The following VWA2 variants were observed in gnomAD, a reference collection of about 807,000 sequenced individuals.
VWA2 encodes the protein von Willebrand factor A domain containing 2.
Under a neutral mutation model 70.4 loss-of-function variants are expected in VWA2, and 73 were observed. That is an observed-to-expected ratio of 1.04 (90% CI 0.86 to 1.26). The LOEUF (loss-of-function observed/expected upper bound fraction) is 1.26. Ranked by LOEUF, VWA2 falls within the 50% of genes most tolerant of loss-of-function variation. VWA2 has a pLI of 0.00. For synonymous variants in VWA2, 407 were observed against 423.3 expected, an observed-to-expected ratio of 0.96 and a Z score of 0.47; for missense variants, 1,011 against 998.5, an observed-to-expected ratio of 1.01 and a Z score of -0.17.
chr10:114,257,255 G>A (rs2037350598), intron 4 of VWA2, among the ~76,000 whole-genome samples: 1 of 152,106 alleles, frequency 6.6e-6, no homozygotes, highest in South Asian at 2.1e-4. Flanking sequence ...ACCCTAAAAG[G>A]GCCAGGCAAG....
chr10:114,284,718 C>T (rs1346408529), intron 9 of VWA2, 145 bp from the exon 10 acceptor site: 19 of 734,084 alleles, frequency 2.6e-5, no homozygotes, highest in Non-Finnish European at 3.7e-5. Flanking sequence ...CCCCTCTCTG[C>T]TGCAGATTTC....
intron 5 of VWA2, among the ~76,000 whole-genome samples, chr10:114,268,055 C>T (rs112486704): frequency 1.8e-4 from 28 of 152,188 alleles, no homozygotes; most frequent in Admixed American, 1.2e-3. Context: ...AGTATTTCAT[C>T]CTCTAACAAT....
chr10:114,278,088 G>T (rs1589765402), intron 7 of VWA2, 41 bp downstream of exon 7: 1 of 1,585,704 alleles, frequency 6.3e-7, no homozygotes, highest in Non-Finnish European at 8.6e-7. Flanking sequence ...GTGCCATGTG[G>T]GGTCGGGGAG....
rs1438580006 is a variant in VWA2 at position 114,293,638 on chromosome 10, A to G, written c.*2401A>G. On this transcript the variant is annotated 3_prime_UTR_variant, in exon 14 of 14. Transcript: ENST00000392982. ...ATTTTTACCTTTAATTACTTATTCA[A>G]ATAAGACAGAAATATATTTTCCTTG... Among the ~76,000 whole-genome samples the G allele has an allele frequency of 6.6e-6, 1 of 152,226 alleles. No individual in the cohort carries two copies. Among genetic ancestry groups the G allele is most frequent in the African/African-American group, 2.4e-5 (1 of 41,458 alleles).
At chr10:114,258,319 T>C (rs1264690613) in intron 4 of VWA2, among the ~76,000 whole-genome samples, 1 of 152,214 alleles carries the variant, frequency 6.6e-6, no homozygotes, top group African/African-American at 2.4e-5. Context: ...AAATTAAGAC[T>C]TTTATGGATG....
At chr10:114,267,258 A>T (rs914634845) in intron 5 of VWA2, among the ~76,000 whole-genome samples, 2 of 151,188 alleles carry the variant, frequency 1.3e-5, no homozygotes, top group Non-Finnish European at 2.9e-5. Flanking sequence ...CTGGGATTAC[A>T]GGCACCCGCC....
chr10:114,276,282 C>T (rs567237533), intron 6 of VWA2, among the ~76,000 whole-genome samples: 2 of 152,326 alleles, frequency 1.3e-5, no homozygotes, highest in Non-Finnish European at 2.9e-5. Flanking sequence ...TCAACGTGTG[C>T]TCCCTGGATG....
intron 4 of VWA2, among the ~76,000 whole-genome samples, chr10:114,257,708 G>A (rs1482994348): frequency 1.3e-5 from 2 of 152,214 alleles, no homozygotes; most frequent in African/African-American, 4.8e-5. Context: ...AGGGAGTGGT[G>A]TAAGAAAACC....
intron 1 of VWA2, among the ~76,000 whole-genome samples, chr10:114,243,613 T>TA (rs35129072): frequency 0.16 from 23,928 of 152,060 alleles, 2,027 homozygotes; most frequent in Middle Eastern, 0.21. Context: ...GGGTTGGAAT[T>TA]GCATTTTGTA....
At chr10:114,290,105 C>A in intron 12 of VWA2, 135 bp from the exon 13 acceptor site, 1 of 1,235,382 alleles carries the variant, frequency 8.1e-7, no homozygotes, top group Non-Finnish European at 1.1e-6. Flanking sequence ...TATGCAGCAC[C>A]AACCATGAGC....
At position 114,277,596 on chromosome 10, in the gene VWA2, A is replaced by G. The variant is rs894646076; in HGVS notation, c.567-318A>G. Among the ~76,000 whole-genome samples the G allele has an allele frequency of 3.3e-5, 5 of 152,126 alleles. No homozygotes were observed. In the South Asian group the frequency reaches 1.0e-3, roughly 32 times the overall value. ...CTCCTGGCACAAACAGCGCTGCCCTATGGCTATCGAGGTGTGCTGGCCGCT... is the reference window on the plus strand; with the variant it reads ...CTCCTGGCACAAACAGCGCTGCCCTGTGGCTATCGAGGTGTGCTGGCCGCT... On this transcript the variant is annotated intron_variant, in intron 6 of 13. Transcript: ENST00000392982.
chr10:114,289,003 A>C lies in VWA2; in HGVS notation c.1636A>C (p.Asn546His). ...LDTSASVGPENFAQMQSFVRS... is the reference protein window; with the variant it reads ...LDTSASVGPEHFAQMQSFVRS... ...CACCTCTGCCTCAGTAGGGCCCGAG[A>C]ATTTTGCTCAGATGCAGAGCTTTGT... The change falls in exon 12 of 14, where the codon AAT becomes CAT. Residue 546 changes from asparagine to histidine, a missense_variant. Transcript: ENST00000392982. The C allele has an allele frequency of 6.2e-7, 1 of 1,614,070 alleles. No homozygotes were observed. The highest frequency in any genetic ancestry group is 8.5e-7 in the Non-Finnish European group (1 of 1,180,020).
At chr10:114,276,067 T>C (rs140813572) in intron 6 of VWA2, among the ~76,000 whole-genome samples, 538 of 152,366 alleles carry the variant, frequency 3.5e-3, no homozygotes, top group African/African-American at 0.012. Context: ...GTGTCTGCGC[T>C]TGTCCCCTCT....
chr10:114,250,126 TTGCTC>T (rs1190169912), intron 2 of VWA2, among the ~76,000 whole-genome samples: 2 of 152,230 alleles, frequency 1.3e-5, no homozygotes, highest in African/African-American at 4.8e-5. Flanking sequence ...CTTGTAGACC[TTGCTC>T]TGTAGCACTT....
chr10:114,287,182 C>G (rs201005934), intron 11 of VWA2, among the ~76,000 whole-genome samples: 1 of 152,120 alleles, frequency 6.6e-6, no homozygotes, highest in East Asian at 1.9e-4. Context: ...AGCTGAAACA[C>G]GTCTTTTTTT....
rs1269015775 is a variant in VWA2 at position 114,294,292 on chromosome 10, G to T, written c.*3055G>T. ...TCAGAGCTATACTAACCTTATAATGGAAAATACATATTTCTCAAACTTTTA... is the reference window on the plus strand; with the variant it reads ...TCAGAGCTATACTAACCTTATAATGTAAAATACATATTTCTCAAACTTTTA... On this transcript the variant is annotated 3_prime_UTR_variant, in exon 14 of 14. Coordinates refer to ENST00000392982, the MANE Select transcript of VWA2 (RefSeq NM_001272046.2). Among the ~76,000 whole-genome samples the T allele has an allele frequency of 2.0e-5, 3 of 152,054 alleles. No homozygotes were observed. The highest frequency in any genetic ancestry group is 6.6e-5 in the Admixed American group (1 of 15,262).
chr10:114,268,517 C>G (rs1303397447), intron 5 of VWA2, among the ~76,000 whole-genome samples: 1 of 151,964 alleles, frequency 6.6e-6, no homozygotes, highest in African/African-American at 2.4e-5. Flanking sequence ...TATAGGTAAA[C>G]ATAGGTTGAG....
intron 1 of VWA2, chr10:114,246,199 CA>C: frequency 1.7e-6 from 2 of 1,166,322 alleles, no homozygotes; most frequent in Non-Finnish European, 1.3e-6. Context: ...AAGAGACCTA[CA>C]AAAGAATATC....
chr10:114,244,162 G>A (rs531625046), intron 1 of VWA2, among the ~76,000 whole-genome samples: 1 of 152,352 alleles, frequency 6.6e-6, no homozygotes, highest in Admixed American at 6.5e-5. Context: ...GTGCCGGATG[G>A]AGTGTGAGAG....
Sources: allele counts gnomAD v4.1 joint callset (sites outside exome capture counted in the v4.1 genomes callset), GRCh38; gene constraint gnomAD v4.1.1; transcripts MANE v1.5; gene names NCBI Gene and HGNC (gene_info 2026-07-23, HGNC 2026-07-21).